Variants in TXNDC16 observed in about 807,000 individuals in gnomAD.
TXNDC16 encodes the protein thioredoxin domain containing 16.
Under a neutral mutation model 85.6 loss-of-function variants are expected in TXNDC16, and 74 were observed. The ratio of observed to expected loss-of-function variants is 0.86; its 90% CI spans 0.72 to 1.05. The LOEUF (loss-of-function observed/expected upper bound fraction) is 1.05. Among genes scored for constraint, TXNDC16 ranks in the 50% least tolerant of loss-of-function variants. The probability of loss-of-function intolerance (pLI) is 0.00; values close to 1 mark genes in which losing one functional copy is unlikely to be tolerated. For missense variants in TXNDC16, 959 were observed against 947.0 expected, an observed-to-expected ratio of 1.01 and a Z score of -0.17; for synonymous variants, 335 against 326.5, an observed-to-expected ratio of 1.03 and a Z score of -0.28.
At chr14:52,504,990 G>C (rs1443952828) in intron 9 of TXNDC16, among the ~76,000 whole-genome samples, 3 of 152,166 alleles carry the variant, frequency 2.0e-5, no homozygotes, top group Non-Finnish European at 2.9e-5. Context: ...TTACATAATG[G>C]TAAAGGTATC....
intron 6 of TXNDC16, among the ~76,000 whole-genome samples, chr14:52,525,405 A>G (rs1399755681): frequency 6.6e-6 from 1 of 151,860 alleles, no homozygotes; most frequent in Non-Finnish European, 1.5e-5. Flanking sequence ...AATAAAAATT[A>G]GTTGGGCCAG....
rs114106221 is a variant in TXNDC16 at position 52,513,778 on chromosome 14, T to A, written c.605+1102A>T. ...TACCTTGCCAATAAATAACCACCTC[T>A]TTATGTTTTAATATCACTATTATTT... is the stretch of plus-strand genomic sequence containing the variant. On this transcript the variant is annotated intron_variant, in intron 8 of 20. Transcript: ENST00000281741. Among the ~76,000 whole-genome samples the A allele has an allele frequency of 4.0e-3, 601 of 152,096 alleles. 6 individuals are homozygous for A. The highest frequency in any genetic ancestry group is 0.014 in the African/African-American group (573 of 41,502).
chr14:52,447,780 A>C (rs957705881), intron 18 of TXNDC16, among the ~76,000 whole-genome samples: 1 of 152,164 alleles, frequency 6.6e-6, no homozygotes, highest in Non-Finnish European at 1.5e-5. Context: ...AGAAAACTCA[A>C]AGAAATTCAA....
At chr14:52,512,729 T>C (rs997370690) in intron 8 of TXNDC16, among the ~76,000 whole-genome samples, 8 of 152,158 alleles carry the variant, frequency 5.3e-5, no homozygotes, top group African/African-American at 1.2e-4. Flanking sequence ...ATTCAAATAA[T>C]TGGATCAGAG....
rs767805499 is a variant in TXNDC16, at chr14:52,439,339, G to A, written c.2059C>T (p.Pro687Ser). Reference sequence around the variant, plus strand: ...TTCACCAAAACAAGAAGAGGAAGGGGAGGCAGAGGATCAAAATATGCCCTC... The same window carrying A: ...TTCACCAAAACAAGAAGAGGAAGGGAAGGCAGAGGATCAAAATATGCCCTC... ...ILRAYFDPLP[P>S]LPLLVLVNLH... Residue 687 changes from proline to serine, a missense_variant, in exon 20 of 21, where the codon CCC becomes TCC. Coordinates refer to ENST00000281741, the MANE Select transcript of TXNDC16 (RefSeq NM_020784.3). 7 of 1,614,004 alleles carry A rather than the reference G, an allele frequency of 4.3e-6. No homozygotes were observed. The South Asian group carries it at 7.7e-5, about 18-fold the overall frequency.
chr14:52,436,951 A>G (rs1051391567), intron 20 of TXNDC16, among the ~76,000 whole-genome samples: 2 of 152,066 alleles, frequency 1.3e-5, no homozygotes, highest in African/African-American at 4.8e-5. Flanking sequence ...AAATCCTTAT[A>G]TAGTACCTAG....
chr14:52,545,447 T>C (rs560843662), intron 1 of TXNDC16, among the ~76,000 whole-genome samples: 2 of 152,356 alleles, frequency 1.3e-5, no homozygotes, highest in African/African-American at 4.8e-5. Flanking sequence ...AAGATTTGAT[T>C]ATTTTAAAAA....
intron 6 of TXNDC16, among the ~76,000 whole-genome samples, chr14:52,520,396 G>A (rs572763305): frequency 1.3e-5 from 2 of 152,272 alleles, no homozygotes; most frequent in South Asian, 2.1e-4. Flanking sequence ...GGCCGAGGCG[G>A]GCGGATCACG....
chr14:52,480,813 G>T (rs1389288327), intron 14 of TXNDC16, among the ~76,000 whole-genome samples: 4 of 151,642 alleles, frequency 2.6e-5, no homozygotes, highest in Non-Finnish European at 4.4e-5. Flanking sequence ...CCCACTACTG[G>T]TTACCCAAAG....
intron 6 of TXNDC16, among the ~76,000 whole-genome samples, chr14:52,530,255 T>TA (rs1555342433): frequency 2.0e-5 from 1 of 51,160 alleles, no homozygotes; most frequent in African/African-American, 1.1e-4. Context: ...ATAATATATA[T>TA]TATATAATAT....
intron 6 of TXNDC16, among the ~76,000 whole-genome samples, chr14:52,526,498 C>A (rs2037338853): frequency 6.6e-6 from 1 of 152,172 alleles, no homozygotes; most frequent in South Asian, 2.1e-4. Flanking sequence ...CAGACCAAAT[C>A]TCCTGAAGAT....
In TXNDC16 at chr14:52,540,168, A is replaced by G. The variant is rs539925927; in HGVS notation, c.243+2203T>C. On this transcript the variant is annotated intron_variant, in intron 4 of 20. Transcript: ENST00000281741. ...GGTTATTGTATCCAGCTTGACATTC[A>G]TTGTCTTGACTAGAATACGTAGCCC... is the stretch of plus-strand genomic sequence containing the variant. Among the ~76,000 whole-genome samples, 12 of 152,296 alleles carry G rather than the reference A, an allele frequency of 7.9e-5. No homozygotes were observed. The East Asian group carries it at 2.3e-3, about 29-fold the overall frequency.
intron 9 of TXNDC16, among the ~76,000 whole-genome samples, chr14:52,496,281 G>T (rs911368145): frequency 2.0e-5 from 3 of 152,064 alleles, no homozygotes; most frequent in African/African-American, 7.2e-5. Flanking sequence ...GGAGGCACAC[G>T]ATAGTCACTG....
At chr14:52,483,909 T>C (rs773449362) in intron 12 of TXNDC16, among the ~76,000 whole-genome samples, 21 of 152,000 alleles carry the variant, frequency 1.4e-4, no homozygotes, top group Non-Finnish European at 2.5e-4. Flanking sequence ...CATGAAAACA[T>C]GAACATGAAA....
chr14:52,546,236 C>G (rs1825424426), intron 1 of TXNDC16, among the ~76,000 whole-genome samples: 1 of 152,126 alleles, frequency 6.6e-6, no homozygotes, highest in Non-Finnish European at 1.5e-5. Context: ...GATCATGCCA[C>G]TGCACTCCAG....
chr14:52,457,230 T>C, intron 16 of TXNDC16, 56 bp from the exon 17 acceptor site: 1 of 971,174 alleles, frequency 1.0e-6, no homozygotes, highest in Non-Finnish European at 1.5e-6. Flanking sequence ...TGTATGCTAT[T>C]CAACTGATGA....
intron 20 of TXNDC16, 53 bp downstream of exon 20, chr14:52,439,151 A>G (rs2035104361): frequency 3.3e-6 from 5 of 1,532,530 alleles, no homozygotes; most frequent in Admixed American, 1.8e-5. Flanking sequence ...AGAGTTTAAC[A>G]TTTATGGAAC....
At chr14:52,446,847 A>G (rs565413442) in intron 18 of TXNDC16, among the ~76,000 whole-genome samples, 1 of 152,206 alleles carries the variant, frequency 6.6e-6, no homozygotes, top group East Asian at 1.9e-4. Context: ...TGCTACCTCT[A>G]TGGGAAAGAC....
intron 17 of TXNDC16, among the ~76,000 whole-genome samples, chr14:52,456,554 T>A (rs1364598757): frequency 6.6e-6 from 1 of 152,132 alleles, no homozygotes; most frequent in Non-Finnish European, 1.5e-5. Context: ...CACCTATACC[T>A]GAAAATGGGC....
Sources: allele counts gnomAD v4.1 joint callset (sites outside exome capture counted in the v4.1 genomes callset), GRCh38; gene constraint gnomAD v4.1.1; transcripts MANE v1.5; gene names NCBI Gene and HGNC (gene_info 2026-07-23, HGNC 2026-07-21).